Variants in RPRD1A observed in about 807,000 individuals in gnomAD.
RPRD1A encodes regulation of nuclear pre-mRNA domain-containing protein 1A.
In RPRD1A, 9 loss-of-function variants were observed where a neutral mutation model predicts 37.8. That is an observed-to-expected ratio of 0.24 (90% CI 0.14 to 0.42). The LOEUF is 0.42. RPRD1A is among the 10% of genes least tolerant of loss of function. The pLI is 1.00. For missense variants in RPRD1A, 255 were observed against 371.0 expected, an observed-to-expected ratio of 0.69 and a Z score of 2.57; for synonymous variants, 138 against 139.7, an observed-to-expected ratio of 0.99 and a Z score of 0.08.
Position 36,050,246 on chromosome 18 carries a change from TA to T in RPRD1A, c.152-16410del, listed in dbSNP as rs545246553. On this transcript the variant is annotated intron_variant, in intron 1 of 6. Transcript: ENST00000399022. ...TTGTAAATTCTGTTATACATATTTA[TA>T]AAAAAAAAAAAACAGGGTCTCACTC... Among the ~76,000 whole-genome samples the T allele has an allele frequency of 7.4e-3, 1,031 of 139,982 alleles. 8 individuals are homozygous for T. Among genetic ancestry groups the T allele is most frequent in the Middle Eastern group, 0.048 (13 of 272 alleles). The allele number at this position is 139,982 out of a possible 152,430, so 91.8% of individuals were successfully genotyped here.
intron 2 of RPRD1A, 122 bp from the exon 3 acceptor site, chr18:36,031,219 A>T: frequency 8.2e-7 from 1 of 1,224,450 alleles, no homozygotes; most frequent in Non-Finnish European, 1.1e-6. Flanking sequence ...AAACTGTCCA[A>T]ATGTCTACTT....
chr18:36,041,466 T>C (rs1258219923), intron 1 of RPRD1A, among the ~76,000 whole-genome samples: 3 of 152,224 alleles, frequency 2.0e-5, no homozygotes, highest in African/African-American at 7.2e-5. Flanking sequence ...AGCATGGAGA[T>C]AGATCTAATT....
chr18:36,067,366 C>A lies in RPRD1A; in HGVS notation c.39G>T (p.Leu13=), dbSNP rs1178380062. Reference sequence around the variant, plus strand: ...TCTGCTGCGAGTTGCTCAACTCCGACAGCTTCTTCTCCAGCGCCGCCTCAG... The same window carrying A: ...TCTGCTGCGAGTTGCTCAACTCCGAAAGCTTCTTCTCCAGCGCCGCCTCAG... ...AFSEAALEKK[L]SELSNSQQSV... Residue 13 remains leucine, a synonymous_variant, in exon 1 of 7, where the codon CTG becomes CTT. Coordinates refer to ENST00000399022, the MANE Select transcript of RPRD1A (RefSeq NM_018170.5). The A allele has an allele frequency of 5.0e-6, 8 of 1,608,110 alleles. No homozygotes were observed. The highest frequency in any genetic ancestry group is 6.8e-6 in the Non-Finnish European group (8 of 1,177,508).
intron 6 of RPRD1A, among the ~76,000 whole-genome samples, chr18:35,998,301 A>T (rs1374324635): frequency 2.6e-5 from 4 of 152,274 alleles, no homozygotes; most frequent in Admixed American, 6.5e-5. Context: ...GGTTACAGTG[A>T]GCTGAGATTG....
At chr18:36,057,589 G>A (rs1333551186) in intron 1 of RPRD1A, among the ~76,000 whole-genome samples, 1 of 152,186 alleles carries the variant, frequency 6.6e-6, no homozygotes, top group African/African-American at 2.4e-5. Context: ...TCTAGCCTGG[G>A]TGAGAGAGTA....
chr18:36,043,196 C>CGGGG (rs34464375), intron 1 of RPRD1A, among the ~76,000 whole-genome samples: 750 of 65,328 alleles, frequency 0.011, 9 homozygotes, highest in East Asian at 0.029. Context: ...CAAGAAGAAT[C>CGGGG]GGGGGGGGGG....
intron 2 of RPRD1A, 106 bp from the exon 3 acceptor site, chr18:36,031,203 T>C (rs559323825): frequency 1.5e-6 from 2 of 1,324,406 alleles, no homozygotes; most frequent in African/African-American, 1.5e-5. Flanking sequence ...ATTCATTCCC[T>C]GGAAAAAACT....
At chr18:36,002,830 T>C (rs1425495464) in intron 6 of RPRD1A, among the ~76,000 whole-genome samples, 2 of 152,154 alleles carry the variant, frequency 1.3e-5, no homozygotes, top group African/African-American at 4.8e-5. Context: ...AGTCAATAGT[T>C]TAAGGTGTTA....
intron 1 of RPRD1A, among the ~76,000 whole-genome samples, chr18:36,065,872 G>C (rs1401415195): frequency 2.0e-5 from 3 of 151,756 alleles, no homozygotes; most frequent in African/African-American, 7.3e-5. Flanking sequence ...AAACAGTACT[G>C]CCATTTTTTT....
At chr18:36,056,168 A>AT (rs1020382567) in intron 1 of RPRD1A, among the ~76,000 whole-genome samples, 7 of 152,208 alleles carry the variant, frequency 4.6e-5, no homozygotes, top group Non-Finnish European at 8.8e-5. Context: ...CAATGCAATC[A>AT]TTTTTTAAAA....
intron 1 of RPRD1A, among the ~76,000 whole-genome samples, chr18:36,057,379 G>A (rs1394673507): frequency 6.6e-6 from 1 of 151,552 alleles, no homozygotes; most frequent in African/African-American, 2.4e-5. Flanking sequence ...AGGCCAAAAC[G>A]GGAGGATCAC....
rs201801218 is a variant in RPRD1A at position 36,010,305 on chromosome 18, T to TA, written c.789+16594dup. ...GCAACACAGCAAGACCTTGTCTCTA[T>TA]AAAAAAAATAAAAAATAAAAATAAA... On this transcript the variant is annotated intron_variant, in intron 6 of 6. Transcript: ENST00000399022. Among the ~76,000 whole-genome samples, 280 of 150,788 alleles carry TA rather than the reference T, an allele frequency of 1.9e-3. 4 individuals are homozygous for TA. Among genetic ancestry groups the TA allele is most frequent in the African/African-American group, 6.2e-3 (254 of 41,110 alleles).
At chr18:36,008,495 G>A (rs980059332) in intron 6 of RPRD1A, among the ~76,000 whole-genome samples, 3 of 146,270 alleles carry the variant, frequency 2.1e-5, no homozygotes, top group Admixed American at 1.4e-4. Flanking sequence ...AGGATCACTT[G>A]AACTTAGGAT....
At chr18:36,047,849 G>C (rs764655288) in intron 1 of RPRD1A, among the ~76,000 whole-genome samples, 14 of 152,054 alleles carry the variant, frequency 9.2e-5, no homozygotes, top group Non-Finnish European at 1.5e-4. Flanking sequence ...TCCCCAAAAA[G>C]AAATCTCCAG....
chr18:36,044,200 AG>A (rs1426370105), intron 1 of RPRD1A, among the ~76,000 whole-genome samples: 1 of 152,144 alleles, frequency 6.6e-6, no homozygotes, highest in East Asian at 1.9e-4. Flanking sequence ...CAAAGGCAGA[AG>A]GGGTGAAGGA....
At chr18:36,048,063 CTTTT>C (rs1156933838) in intron 1 of RPRD1A, among the ~76,000 whole-genome samples, 5 of 114,490 alleles carry the variant, frequency 4.4e-5, no homozygotes, top group African/African-American at 1.1e-4. Context: ...GTACCCATTC[CTTTT>C]TTTTTTTTTT....
intron 1 of RPRD1A, 26 bp downstream of exon 1, chr18:36,067,228 G>A: frequency 1.3e-6 from 2 of 1,539,364 alleles, no homozygotes; most frequent in South Asian, 2.4e-5. Flanking sequence ...GTGGTGGGAA[G>A]CGGCCGACAT....
At chr18:36,051,336 C>G (rs1252514645) in intron 1 of RPRD1A, among the ~76,000 whole-genome samples, 1 of 152,022 alleles carries the variant, frequency 6.6e-6, no homozygotes, top group Non-Finnish European at 1.5e-5. Flanking sequence ...GTCTGTTGAC[C>G]ATATTTTAAA....
intron 2 of RPRD1A, among the ~76,000 whole-genome samples, chr18:36,032,259 C>CTT (rs34050382): frequency 0.27 from 41,587 of 152,036 alleles, 6,134 homozygotes; most frequent in African/African-American, 0.4. Flanking sequence ...TAGAACAAAA[C>CTT]TGTCTTGGTC....
Sources: allele counts gnomAD v4.1 joint callset (sites outside exome capture counted in the v4.1 genomes callset), GRCh38; gene constraint gnomAD v4.1.1; transcripts MANE v1.5; gene names NCBI Gene and HGNC (gene_info 2026-07-23, HGNC 2026-07-21).